ZNF385D: variants seen among roughly 807,000 people sequenced by gnomAD.
ZNF385D encodes the protein zinc finger protein 385D, also known as zinc finger protein 659.
In ZNF385D, 15 loss-of-function variants were observed where a neutral mutation model predicts 35.8. That is an observed-to-expected ratio of 0.42 (90% CI 0.28 to 0.64). ZNF385D has a LOEUF of 0.64. ZNF385D is among the 30% of genes least tolerant of loss of function. The pLI, the probability that ZNF385D is intolerant of heterozygous loss-of-function variation, is 0.23. For missense variants in ZNF385D, 474 were observed against 494.6 expected, an observed-to-expected ratio of 0.96 and a Z score of 0.39; for synonymous variants, 212 against 186.8, an observed-to-expected ratio of 1.13 and a Z score of -1.10.
chr3:22,096,352 A>AT (rs113151855), intron 3 of ZNF385D, among the ~76,000 whole-genome samples: 9 of 133,858 alleles, frequency 6.7e-5, no homozygotes, highest in Non-Finnish European at 1.4e-4. Context: ...ATAAATACAA[A>AT]TTTTTTTAAA....
In ZNF385D at chr3:21,420,207, T is replaced by C. The variant is rs1339554304; in HGVS notation, c.*1007A>G. The stretch of plus-strand genomic sequence containing the variant: ...CTAAGAAACAACCCTACTGGTATGA[T>C]ATAAAGGGGATACTGCAGAGATGCA... On this transcript the variant is annotated 3_prime_UTR_variant, in exon 8 of 8. Coordinates refer to ENST00000281523, the MANE Select transcript of ZNF385D (RefSeq NM_024697.3). The C allele has an allele frequency of 6.6e-6, 1 of 152,190 alleles. No individual in the cohort carries two copies. The highest frequency in any genetic ancestry group is 2.4e-5 in the African/African-American group (1 of 41,446). 9.4% of individuals were successfully genotyped at this position (152,190 alleles called of 1,614,324 possible). A position where few individuals can be genotyped will look rare whatever the true frequency, so the allele number is the denominator to read the frequency against.
chr3:22,139,742 G>A (rs1704380353), intron 3 of ZNF385D, among the ~76,000 whole-genome samples: 1 of 151,888 alleles, frequency 6.6e-6, no homozygotes, highest in South Asian at 2.1e-4. Context: ...TTATGCACAT[G>A]TACCCTAAAA....
chr3:22,153,134 C>A (rs1705356624), intron 3 of ZNF385D, among the ~76,000 whole-genome samples: 1 of 152,166 alleles, frequency 6.6e-6, no homozygotes, highest in African/African-American at 2.4e-5. Context: ...TTCCTGACCT[C>A]TGCTGTACAA....
chr3:22,321,541 A>G (rs929631656), intron 2 of ZNF385D, among the ~76,000 whole-genome samples: 15 of 151,582 alleles, frequency 9.9e-5, no homozygotes, highest in African/African-American at 3.6e-4. Flanking sequence ...AATTTTTTGT[A>G]TTTTTAGTAG....
intron 1 of ZNF385D, among the ~76,000 whole-genome samples, chr3:21,741,511 T>C (rs1292613661): frequency 6.6e-6 from 1 of 152,172 alleles, no homozygotes; most frequent in Non-Finnish European, 1.5e-5. Flanking sequence ...TTCCCAGCAG[T>C]TACCATGGTG....
intron 3 of ZNF385D, among the ~76,000 whole-genome samples, chr3:21,921,554 T>G (rs1033427475): frequency 6.6e-6 from 1 of 152,140 alleles, no homozygotes; most frequent in African/African-American, 2.4e-5. Flanking sequence ...GAATCTATGT[T>G]TATTCCTCTT....
At chr3:21,481,806 C>T (rs1206297856) in intron 4 of ZNF385D, among the ~76,000 whole-genome samples, 1 of 152,196 alleles carries the variant, frequency 6.6e-6, no homozygotes, top group Non-Finnish European at 1.5e-5. Context: ...GGGCCTAAAA[C>T]AGCATGTGAA....
intron 3 of ZNF385D, among the ~76,000 whole-genome samples, chr3:21,763,159 C>T (rs1037689258): frequency 2.0e-5 from 3 of 152,172 alleles, no homozygotes; most frequent in Admixed American, 2.0e-4. Context: ...AATTCACCTT[C>T]TCTCCAGAGA....
At chr3:22,074,057 T>C (rs1700352632) in intron 3 of ZNF385D, among the ~76,000 whole-genome samples, 1 of 152,000 alleles carries the variant, frequency 6.6e-6, no homozygotes, top group African/African-American at 2.4e-5. Context: ...GATTATTCTG[T>C]ACCCTAAGTA....
chr3:22,222,976 A>C (rs542158069), intron 2 of ZNF385D, among the ~76,000 whole-genome samples: 36 of 152,246 alleles, frequency 2.4e-4, no homozygotes, highest in Non-Finnish European at 4.6e-4. Context: ...AGTATCCCTG[A>C]AGTCTCCCTT....
chr3:21,664,793 C>G (rs935312515), intron 2 of ZNF385D, 93 bp downstream of exon 2: 2 of 1,541,404 alleles, frequency 1.3e-6, no homozygotes, highest in Admixed American at 1.7e-5. Context: ...AACAATATAG[C>G]AAAATGGAGG....
chr3:22,309,660 A>C (rs1169091056), intron 2 of ZNF385D, among the ~76,000 whole-genome samples: 4 of 152,010 alleles, frequency 2.6e-5, no homozygotes, highest in Non-Finnish European at 4.4e-5. Flanking sequence ...CAATGGTGAC[A>C]GTCGACAATT....
chr3:22,358,350 G>A (rs1318433302), intron 2 of ZNF385D, among the ~76,000 whole-genome samples: 1 of 151,864 alleles, frequency 6.6e-6, no homozygotes, highest in Non-Finnish European at 1.5e-5. Flanking sequence ...ATATGCCCAA[G>A]GTGGCAGAGC....
chr3:21,574,273 A>C (rs1158907756), intron 2 of ZNF385D, among the ~76,000 whole-genome samples: 1 of 152,124 alleles, frequency 6.6e-6, no homozygotes, highest in African/African-American at 2.4e-5. Context: ...CAAGAAATAG[A>C]GGGACATACA....
chr3:21,933,112 T>A (rs551127005), intron 3 of ZNF385D, among the ~76,000 whole-genome samples: 1 of 152,346 alleles, frequency 6.6e-6, no homozygotes, highest in Non-Finnish European at 1.5e-5. Flanking sequence ...GGTGATGTTC[T>A]CCAGGACTTA....
At chr3:22,236,190 A>C (rs1205976688) in intron 2 of ZNF385D, among the ~76,000 whole-genome samples, 1 of 152,180 alleles carries the variant, frequency 6.6e-6, no homozygotes, top group Non-Finnish European at 1.5e-5. Flanking sequence ...AAATTTTATG[A>C]TATATATGTA....
chr3:21,752,327 A>G (rs1350719101), upstream of ZNF385D, among the ~76,000 whole-genome samples: 5 of 152,208 alleles, frequency 3.3e-5, no homozygotes, highest in African/African-American at 1.2e-4. Flanking sequence ...TAAGAACCAA[A>G]TATAAACAAA....
Position 21,510,941 on chromosome 3 carries a change from G to A in ZNF385D, c.359C>T (p.Ser120Phe). The A allele has an allele frequency of 6.2e-7, 1 of 1,614,172 alleles. No homozygotes were observed. The highest frequency in any genetic ancestry group is 8.5e-7 in the Non-Finnish European group (1 of 1,180,012). The change falls in exon 4 of 8, where the codon TCT becomes TTT. Residue 120 changes from serine to phenylalanine, a missense_variant. Ser to Phe is a radical substitution (Grantham distance 155). Coordinates refer to ENST00000281523, the MANE Select transcript of ZNF385D (RefSeq NM_024697.3). ...ALEAMKNKQK[S>F]VTAKDSAKTT... ...CTTTGCGCTGTCCTTGGCAGTTACA[G>A]ATTTCTGCTTATTTTTCATGGCTTC...
At chr3:21,531,755 TA>T (rs1340545190) in intron 3 of ZNF385D, among the ~76,000 whole-genome samples, 1 of 152,066 alleles carries the variant, frequency 6.6e-6, no homozygotes, top group African/African-American at 2.4e-5. Flanking sequence ...GAAGAAAAGA[TA>T]AAAAGGTGGA....
Sources: allele counts gnomAD v4.1 joint callset (sites outside exome capture counted in the v4.1 genomes callset), GRCh38; gene constraint gnomAD v4.1.1; transcripts MANE v1.5; gene names NCBI Gene and HGNC (gene_info 2026-07-23, HGNC 2026-07-21).